CEP290: variants seen among roughly 807,000 people sequenced by gnomAD.
The protein encoded by CEP290 is centrosomal protein of 290 kDa.
In CEP290, 317 loss-of-function variants were observed where a neutral mutation model predicts 344.9. The ratio of observed to expected loss-of-function variants is 0.92; its 90% CI spans 0.84 to 1.01. The LOEUF (loss-of-function observed/expected upper bound fraction) is 1.01, where lower values mean the gene tolerates loss of function less well. Among genes scored for constraint, CEP290 ranks in the 50% least tolerant of loss-of-function variants. CEP290 has a pLI of 0.00. For synonymous variants in CEP290, 932 were observed against 895.8 expected (o/e 1.04, Z -0.72); for missense variants, 2,754 against 2,761.4 (o/e 1.00, Z 0.06).
intron 50 of CEP290, among the ~76,000 whole-genome samples, 194 bp downstream of exon 50, chr12:88,055,382 A>G (rs1414129941): frequency 6.6e-6 from 1 of 152,150 alleles, no homozygotes; most frequent in East Asian, 1.9e-4. Context: ...TAATGATAGA[A>G]AATGTGGAGA....
At chr12:88,129,122 A>AC (rs2039910026) in intron 10 of CEP290, 87 bp from the exon 11 acceptor site, 1 of 608,572 alleles carries the variant, frequency 1.6e-6, no homozygotes, top group Non-Finnish European at 2.6e-6. Flanking sequence ...CATTATATAT[A>AC]TAAATATATC....
At chr12:88,126,055 C>T (rs376388644) in intron 12 of CEP290, among the ~76,000 whole-genome samples, 15 of 151,964 alleles carry the variant, frequency 9.9e-5, no homozygotes, top group East Asian at 3.9e-4. Flanking sequence ...TAATTTCTAA[C>T]CAAAACAATG....
At chr12:88,077,187 C>T in intron 41 of CEP290, 35 bp downstream of exon 41, 1 of 1,582,312 alleles carries the variant, frequency 6.3e-7, no homozygotes, top group Non-Finnish European at 8.6e-7. Context: ...CTGTCACTAC[C>T]TTAAGCATAT....
rs1315206188 is a variant in CEP290, at chr12:88,077,771, T to C, written c.5512A>G (p.Arg1838Gly). Residue 1838 changes from arginine (R) to glycine (G), a missense_variant, in exon 40 of 54, where the codon AGA becomes GGA. Physicochemically the swap from Arg to Gly is moderately radical, Grantham distance 125 (BLOSUM62 -2). Coordinates refer to ENST00000552810, the MANE Select transcript of CEP290 (RefSeq NM_025114.4). ...KKQKAYNKIL[R>G]EKEEIDQEND... is the part of the protein sequence containing the mutation. ...TCTTGATCAATTTCCTCTTTCTCTC[T>C]AAGTATTTTATTATAGGCTTTTTGT... The C allele has an allele frequency of 6.3e-7, 1 of 1,581,562 alleles. No individual in the cohort carries two copies. Among genetic ancestry groups the C allele is most frequent in the South Asian group, 1.2e-5 (1 of 84,958 alleles).
Position 88,089,298 on chromosome 12 carries a change from C to T in CEP290, c.3763G>A (p.Glu1255Lys). ...KEQALYYARL[E>K]GRNRAKHLRQ... ...AGATGTTTTGCTCTGTTTCTTCCCT[C>T]CAAACGAGCATAATAGAGAGCCTGT... Residue 1255 changes from glutamate to lysine, a missense_variant, in exon 31 of 54, where the codon GAG becomes AAG. By Grantham distance (56) the Glu-to-Lys change is moderately conservative. Transcript: ENST00000552810. The T allele has an allele frequency of 6.2e-7, 1 of 1,613,974 alleles. No homozygotes were observed. The highest frequency in any genetic ancestry group is 8.5e-7 in the Non-Finnish European group (1 of 1,179,884).
At chr12:88,115,472 C>T (rs1054433457) in intron 18 of CEP290, 2 of 1,305,188 alleles carry the variant, frequency 1.5e-6, no homozygotes, top group African/African-American at 1.5e-5. Context: ...TCTGCCTTTA[C>T]ACTACCTGTT....
At chr12:88,069,398 A>G (rs2035193008) in intron 43 of CEP290, among the ~76,000 whole-genome samples, 1 of 152,210 alleles carries the variant, frequency 6.6e-6, no homozygotes, top group South Asian at 2.1e-4. Context: ...GAAAAAAAAA[A>G]TGGCCTCTAA....
intron 29 of CEP290, 47 bp from the exon 30 acceptor site, chr12:88,090,886 A>G: frequency 8.3e-7 from 1 of 1,199,254 alleles, no homozygotes; most frequent in East Asian, 2.7e-5. Flanking sequence ...ACACTTTCTA[A>G]GTAAATGCCA....
chr12:88,101,986 G>A (rs570402760), intron 26 of CEP290, among the ~76,000 whole-genome samples: 6 of 152,090 alleles, frequency 3.9e-5, no homozygotes, highest in East Asian at 3.9e-4. Context: ...TCAGAACAAC[G>A]TTTTCATTTA....
intron 48 of CEP290, among the ~76,000 whole-genome samples, chr12:88,059,354 T>G (rs1474630328): frequency 6.6e-6 from 1 of 152,218 alleles, no homozygotes; most frequent in East Asian, 1.9e-4. Flanking sequence ...GACTTCCTAA[T>G]GCTTACGAGA....
chr12:88,061,447 C>T (rs1218266506), intron 46 of CEP290, among the ~76,000 whole-genome samples: 1 of 152,050 alleles, frequency 6.6e-6, no homozygotes, highest in Non-Finnish European at 1.5e-5. Flanking sequence ...CTTAGAAATA[C>T]AGTTTCTGTT....
chr12:88,089,409 G>A lies in CEP290; in HGVS notation c.3652C>T (p.Leu1218Phe). The change falls in exon 31 of 54, where the codon CTT (leucine) becomes TTT (phenylalanine). Residue 1218 changes from leucine to phenylalanine, a missense_variant. By Grantham distance (22) the Leu-to-Phe change is conservative. Coordinates refer to ENST00000552810, the MANE Select transcript of CEP290 (RefSeq NM_025114.4). ...VSLQLSEATALGKLESITSKL... is the reference protein window; with the variant it reads ...VSLQLSEATAFGKLESITSKL... ...GATGTAATTGACTCCAACTTACCAA[G>A]AGCAGTAGCCTCACTCAGTTGAAGA... 4.3e-6 allele frequency: 7 copies of A among 1,611,510 alleles called. No individual in the cohort carries two copies. Among genetic ancestry groups the A allele is most frequent in the Non-Finnish European group, 5.9e-6 (7 of 1,178,580 alleles).
rs45461003 is a variant in CEP290, at chr12:88,111,649, A to G, written c.2217+45T>C. On this transcript the variant is annotated intron_variant, in intron 21 of 53. Coordinates refer to ENST00000552810, the MANE Select transcript of CEP290 (RefSeq NM_025114.4). The stretch of plus-strand genomic sequence containing the variant: ...AAATTAAAAATTTCCTATTAAATCT[A>G]CATTCTTATGTTTAGCATTTTCTTT... 10,873 of 1,467,974 alleles carry G rather than the reference A, an allele frequency of 7.4e-3. 57 individuals are homozygous for G. The highest frequency in any genetic ancestry group is 8.5e-3 in the Middle Eastern group (48 of 5,654). 90.9% of individuals were successfully genotyped at this position (1,467,974 alleles called of 1,614,324 possible).
Position 88,140,999 on chromosome 12 carries a change from TCTTG to T in CEP290, c.133_136del (p.Gln45LysfsTer3), listed in dbSNP as rs2138298697. The T allele has an allele frequency of 6.3e-7, 1 of 1,591,698 alleles. No individual in the cohort carries two copies. The highest frequency in any genetic ancestry group is 8.5e-7 in the Non-Finnish European group (1 of 1,171,492). ...AATTCTGAAAAGGTGTATCACATTT[TCTTG>T]CTTTTCACTTTTTAGCTCATTTACT... On this transcript the variant is annotated frameshift_variant, in exon 3 of 54. Coordinates refer to ENST00000552810, the MANE Select transcript of CEP290 (RefSeq NM_025114.4). LOFTEE classifies it high-confidence loss of function.
chr12:88,103,145 T>C (rs2038025693), intron 25 of CEP290, 134 bp from the exon 26 acceptor site: 1 of 467,146 alleles, frequency 2.1e-6, no homozygotes, highest in Non-Finnish European at 3.6e-6. Flanking sequence ...TGATTTCCCA[T>C]GTAAGAAAAA....
intron 5 of CEP290, among the ~76,000 whole-genome samples, chr12:88,137,526 C>T (rs527878241): frequency 1.3e-5 from 2 of 152,312 alleles, no homozygotes; most frequent in South Asian, 4.1e-4. Context: ...TTCATTTCTT[C>T]ACCTTATAGT....
At chr12:88,115,933 T>C in intron 18 of CEP290, 4 of 984,840 alleles carry the variant, frequency 4.1e-6, no homozygotes, top group Non-Finnish European at 2.4e-6. Context: ...CTTTTTATTA[T>C]ATCTTCTTTC....
chr12:88,097,655 A>C (rs2037539757), intron 26 of CEP290, among the ~76,000 whole-genome samples: 1 of 151,890 alleles, frequency 6.6e-6, no homozygotes, highest in Admixed American at 6.6e-5. Flanking sequence ...ACAATGTAAA[A>C]TATTATTTTA....
chr12:88,072,867 T>C (rs895163880), intron 41 of CEP290, among the ~76,000 whole-genome samples: 11 of 152,176 alleles, frequency 7.2e-5, no homozygotes, highest in African/African-American at 2.4e-4. Context: ...GAGCAAACGA[T>C]ACAGATAACA....
Sources: allele counts gnomAD v4.1 joint callset (sites outside exome capture counted in the v4.1 genomes callset), GRCh38; gene constraint gnomAD v4.1.1; transcripts MANE v1.5; gene names NCBI Gene and HGNC (gene_info 2026-07-23, HGNC 2026-07-21).